NLRP11: variants seen among roughly 807,000 people sequenced by gnomAD.
The protein encoded by NLRP11 is NLR family pyrin domain containing 11.
A neutral mutation model predicts 79.3 loss-of-function variants in NLRP11; 53 were observed. That is an observed-to-expected ratio of 0.67 (90% confidence interval 0.54 to 0.84). The LOEUF is 0.84. NLRP11 is among the 40% of genes least tolerant of loss of function. NLRP11 has a pLI of 0.00. For synonymous variants in NLRP11, 518 were observed against 462.6 expected (o/e 1.12, Z -1.54); for missense variants, 1,264 against 1,255.0 (o/e 1.01, Z -0.11).
At chr19:55,805,398 C>T (rs964587775) in intron 4 of NLRP11, among the ~76,000 whole-genome samples, 2 of 151,860 alleles carry the variant, frequency 1.3e-5, no homozygotes, top group Non-Finnish European at 2.9e-5. Context: ...TATGTGGCGA[C>T]TCGGTGGGAG....
chr19:55,830,821 A>G (rs1465958940), intron 1 of NLRP11, among the ~76,000 whole-genome samples: 1 of 152,142 alleles, frequency 6.6e-6, no homozygotes, highest in Non-Finnish European at 1.5e-5. Context: ...ACACTACAGC[A>G]TTGCACGTCC....
At chr19:55,806,040 C>A (rs762754072) in intron 4 of NLRP11, among the ~76,000 whole-genome samples, 1 of 152,206 alleles carries the variant, frequency 6.6e-6, no homozygotes, top group Non-Finnish European at 1.5e-5. Context: ...TCACTGGGAT[C>A]CGAGGATACC....
At chr19:55,787,498 G>A (rs1047725810) in intron 9 of NLRP11, among the ~76,000 whole-genome samples, 11 of 152,174 alleles carry the variant, frequency 7.2e-5, no homozygotes, top group African/African-American at 2.2e-4. Flanking sequence ...CACTACGCCC[G>A]GCTAACTTTT....
chr19:55,821,205 TCACACACACACACA>T (rs950312294), intron 1 of NLRP11, among the ~76,000 whole-genome samples: 5 of 85,220 alleles, frequency 5.9e-5, no homozygotes, highest in Non-Finnish European at 1.1e-4. Flanking sequence ...TCTCTCTCTC[TCACACACACACACA>T]CACACACACA....
At chr19:55,802,279 GC>G (rs888301116) in intron 4 of NLRP11, among the ~76,000 whole-genome samples, 1 of 152,138 alleles carries the variant, frequency 6.6e-6, no homozygotes, top group African/African-American at 2.4e-5. Flanking sequence ...CATAGTCTCA[GC>G]CCCAAATCTT....
intron 6 of NLRP11, among the ~76,000 whole-genome samples, chr19:55,794,941 A>G (rs1413105862): frequency 6.6e-6 from 1 of 152,188 alleles, no homozygotes; most frequent in Non-Finnish European, 1.5e-5. Context: ...GGGCGAAAGG[A>G]GCTAAAGGGA....
chr19:55,789,675 C>T (rs549245450), intron 7 of NLRP11, among the ~76,000 whole-genome samples: 4 of 152,268 alleles, frequency 2.6e-5, no homozygotes, highest in South Asian at 2.1e-4. Context: ...ATTTTTGTCC[C>T]GGGAAGCCAC....
chr19:55,824,227 A>G (rs1339246011), intron 1 of NLRP11, among the ~76,000 whole-genome samples: 1 of 146,528 alleles, frequency 6.8e-6, no homozygotes, highest in Non-Finnish European at 1.5e-5. Context: ...AGATTTTGTC[A>G]CCACCAGGCC....
At chr19:55,817,757 A>G in intron 2 of NLRP11, 147 bp downstream of exon 2, 1 of 644,268 alleles carries the variant, frequency 1.6e-6, no homozygotes, top group East Asian at 2.7e-5. Context: ...AAAGTTTTAG[A>G]AATCACCACT....
At chr19:55,821,242 CACACACA>C (rs200146214) in intron 1 of NLRP11, among the ~76,000 whole-genome samples, 8,209 of 129,888 alleles carry the variant, frequency 0.063, 262 homozygotes, top group East Asian at 0.11. Context: ...CACACACACA[CACACACA>C]CCCCAAGCAC....
At chr19:55,829,559 C>G (rs1443523836) in intron 1 of NLRP11, among the ~76,000 whole-genome samples, 1 of 148,220 alleles carries the variant, frequency 6.7e-6, no homozygotes, top group African/African-American at 2.5e-5. Context: ...CCCAGCTACT[C>G]AGAAGGCTGA....
chr19:55,809,738 T>G lies in NLRP11; in HGVS notation c.872A>C (p.Glu291Ala), dbSNP rs760375485. ...CTGCAAGGTCGTGCAGCAATCTACCTCTTTCAAGAACGTTTTTACATTATT... is the reference window on the plus strand; with the variant it reads ...CTGCAAGGTCGTGCAGCAATCTACCGCTTTCAAGAACGTTTTTACATTATT... Residue 291 changes from glutamate (E) to alanine (A), a missense_variant, in exon 3 of 10, where the codon GAG becomes GCG. By Grantham distance (107) the Glu-to-Ala change is moderately radical. Transcript: ENST00000589093. The surrounding 1 kb of genome is among the most constrained non-coding windows in gnomAD (Gnocchi z 4.5). The G allele has an allele frequency of 6.2e-7, 1 of 1,614,068 alleles. No individual in the cohort carries two copies. Among genetic ancestry groups the G allele is most frequent in the African/African-American group, 1.3e-5 (1 of 74,940 alleles).
In NLRP11 at chr19:55,809,788, G is replaced by C. The variant is rs757488362; in HGVS notation, c.822C>G (p.Leu274=). 6 of 1,614,206 alleles carry C rather than the reference G, an allele frequency of 3.7e-6. No homozygotes were observed. Among genetic ancestry groups the C allele is most frequent in the Non-Finnish European group, 5.1e-6 (6 of 1,180,018 alleles). ...TCCCACGTGTGGGCCTTGAGGAGAT[G>C]AGGAACCAGCAGCCTGGAGCCATTT... is the stretch of plus-strand genomic sequence containing the variant. The change falls in exon 3 of 10, where the codon CTC becomes CTG. Residue 274 remains leucine, a synonymous_variant. Coordinates refer to ENST00000589093, the Ensembl canonical transcript of NLRP11. The surrounding 1 kb of genome is among the most constrained non-coding windows in gnomAD (Gnocchi z 4.5).
rs386389301 is a variant in NLRP11, at chr19:55,830,748, T to TTGAC, written c.-63+1211_-63+1214dup. On this transcript the variant is annotated intron_variant, in intron 1 of 9. Transcript: ENST00000589093. Reference sequence around the variant, plus strand: ...TTAAGTTGGTTGCTGGAATTTGCTGTTGACTGAACTATAAGGTGCCAACTG... The same window carrying TTGAC: ...TTAAGTTGGTTGCTGGAATTTGCTGTTGACTGACTGAACTATAAGGTGCCAACTG... Among the ~76,000 whole-genome samples the TTGAC allele has an allele frequency of 4.6e-5, 7 of 152,138 alleles. No homozygotes were observed. The East Asian group carries it at 1.3e-3, about 29-fold the overall frequency.
At chr19:55,789,127 CTA>C in intron 8 of NLRP11, 100 bp downstream of exon 8, 2 of 1,401,416 alleles carry the variant, frequency 1.4e-6, no homozygotes, top group Non-Finnish European at 2.0e-6. Context: ...AAACACTAGA[CTA>C]TTATGTCCGA....
At chr19:55,818,069 C>G in exon 2 of NLRP11, 1 of 1,614,070 alleles carries the variant, frequency 6.2e-7, no homozygotes, top group Non-Finnish European at 8.5e-7. Flanking sequence ...AGTTTGAAAT[C>G]AAGAATCTTG....
chr19:55,810,041 T>C (rs1404999100), exon 3 of NLRP11: 2 of 1,614,164 alleles, frequency 1.2e-6, no homozygotes, highest in Non-Finnish European at 1.7e-6. Flanking sequence ...CTGGTTTATT[T>C]CGTGAGCAGT....
In NLRP11 at chr19:55,829,669, A is replaced by T. The variant is rs559631256; in HGVS notation, c.-63+2294T>A. 2.1e-3 allele frequency among the ~76,000 whole-genome samples: 311 copies of T among 151,608 alleles called. 3 individuals are homozygous for T. Among genetic ancestry groups the T allele is most frequent in the East Asian group, 3.3e-3 (17 of 5,186 alleles). On this transcript the variant is annotated intron_variant, in intron 1 of 9. Coordinates refer to ENST00000589093, the Ensembl canonical transcript of NLRP11. The stretch of plus-strand genomic sequence containing the variant: ...GCGAGACTCCGTCTCAAAAAAAAAA[A>T]AAAAAAAAAAAAAAAATCGTACTTT...
intron 9 of NLRP11, among the ~76,000 whole-genome samples, chr19:55,788,002 G>A (rs1371947546): frequency 1.3e-5 from 2 of 152,154 alleles, no homozygotes; most frequent in African/African-American, 2.4e-5. Flanking sequence ...TCTCAAGGAC[G>A]ACCAACTAAG....
Sources: gnomAD v4.1 joint callset for allele counts (sites outside exome capture counted in the v4.1 genomes callset) on GRCh38, gnomAD v4.1.1 for gene constraint, Gnocchi (gnomAD v3.1) non-coding constraint, MANE v1.5 for transcripts, NCBI Gene and HGNC (gene_info 2026-07-23, HGNC 2026-07-21) for gene names.